Variants in GPR107 observed in about 807,000 individuals in gnomAD.
GPR107 encodes the protein protein GPR107.
A neutral mutation model predicts 75.5 loss-of-function variants in GPR107; 31 were observed. That is an observed-to-expected ratio of 0.41 (90% CI 0.31 to 0.55). The LOEUF is 0.55. GPR107 is among the 20% of genes least tolerant of loss of function. The pLI is 0.26. For synonymous variants in GPR107, 267 were observed against 251.3 expected (o/e 1.06, Z -0.59); for missense variants, 572 against 665.7 (o/e 0.86, Z 1.55).
intron 8 of GPR107, among the ~76,000 whole-genome samples, chr9:130,091,428 C>T (rs888130677): frequency 5.9e-5 from 9 of 151,852 alleles, no homozygotes; most frequent in Non-Finnish European, 1.0e-4. Flanking sequence ...TTACAGTAAA[C>T]CGAGATTGCA....
chr9:130,066,046 C>T (rs1564659202), intron 1 of GPR107, among the ~76,000 whole-genome samples: 1 of 152,046 alleles, frequency 6.6e-6, no homozygotes, highest in African/African-American at 2.4e-5. Flanking sequence ...GTGACTCATG[C>T]CTGTAATCTC....
At chr9:130,072,773 A>C (rs899330771) in intron 1 of GPR107, among the ~76,000 whole-genome samples, 3 of 152,114 alleles carry the variant, frequency 2.0e-5, no homozygotes, top group African/African-American at 4.8e-5. Flanking sequence ...GAAAAAAAAA[A>C]CAAAACAACA....
At chr9:130,061,821 G>C (rs1430757959) in intron 1 of GPR107, among the ~76,000 whole-genome samples, 1 of 152,128 alleles carries the variant, frequency 6.6e-6, no homozygotes, top group Non-Finnish European at 1.5e-5. Flanking sequence ...ATGGGCACCT[G>C]TAATCCCAGC....
chr9:130,077,415 A>G (rs762045384), intron 4 of GPR107, 37 bp downstream of exon 4: 3 of 1,020,848 alleles, frequency 2.9e-6, no homozygotes, highest in Non-Finnish European at 4.7e-6. Flanking sequence ...TCAGTCCTAG[A>G]GTAGAGTCGG....
At chr9:130,093,427 A>G (rs913750729) in intron 9 of GPR107, among the ~76,000 whole-genome samples, 1 of 152,264 alleles carries the variant, frequency 6.6e-6, no homozygotes, top group Non-Finnish European at 1.5e-5. Flanking sequence ...TTAAATTCAT[A>G]GAATAATTAA....
intron 1 of GPR107, among the ~76,000 whole-genome samples, chr9:130,069,501 C>T (rs1830147453): frequency 1.3e-5 from 2 of 152,150 alleles, no homozygotes; most frequent in Admixed American, 6.6e-5. Flanking sequence ...GTCACATCCT[C>T]CTCGCTTGTA....
Position 130,104,439 on chromosome 9 carries a change from A to G in GPR107, c.1151A>G (p.Tyr384Cys), listed in dbSNP as rs774053915. ...IPLQVLANVA[Y>C]IIIESTEEGT... ...CTGTAGGTCCTGGCAAATGTAGCCT[A>G]CATCATCATAGAGTCCACCGAGGAG... Residue 384 changes from tyrosine to cysteine, a missense_variant, in exon 13 of 18, where the codon TAC becomes TGC. Coordinates refer to ENST00000347136, the MANE Select transcript of GPR107 (RefSeq NM_020960.5). 1.2e-6 allele frequency: 2 copies of G among 1,613,748 alleles called. No homozygotes were observed. The highest frequency in any genetic ancestry group is 1.7e-6 in the Non-Finnish European group (2 of 1,179,670).
chr9:130,066,822 A>G lies in GPR107; in HGVS notation c.142-8814A>G, dbSNP rs1028630830. Among the ~76,000 whole-genome samples, 13 of 152,090 alleles carry G rather than the reference A, an allele frequency of 8.5e-5. No individual in the cohort carries two copies. The South Asian group carries it at 1.2e-3, about 15-fold the overall frequency. On this transcript the variant is annotated intron_variant, in intron 1 of 17. Transcript: ENST00000347136. Reference sequence around the variant, plus strand: ...AACACGATGAAACCCCGTCTCTACTAAAAATACAAAAAAATTAGCCGGGTG... The same window carrying G: ...AACACGATGAAACCCCGTCTCTACTGAAAATACAAAAAAATTAGCCGGGTG...
At chr9:130,108,965 C>G (rs1278631231) in intron 14 of GPR107, 1 of 299,694 alleles carries the variant, frequency 3.3e-6, no homozygotes, top group South Asian at 2.6e-5. Context: ...AAGTACAAAT[C>G]CACCTCTAGG....
intron 1 of GPR107, among the ~76,000 whole-genome samples, chr9:130,068,620 G>A (rs758079940): frequency 6.6e-6 from 1 of 152,086 alleles, no homozygotes; most frequent in Non-Finnish European, 1.5e-5. Context: ...ATGACTGAAA[G>A]CAGTTTAATA....
At position 130,122,793 on chromosome 9, in the gene GPR107, C is replaced by G. The variant is rs181395064; in HGVS notation, c.1307-2122C>G. 2.9e-3 allele frequency among the ~76,000 whole-genome samples: 436 copies of G among 152,266 alleles called. 6 individuals are homozygous for G. Among genetic ancestry groups the G allele is most frequent in the African/African-American group, 0.01 (418 of 41,566 alleles). The stretch of plus-strand genomic sequence containing the variant: ...ATCCCAGCACTTTGGGAGGCTGAGG[C>G]AGGCTCTTGCCTGCCTGAGCAACAT... On this transcript the variant is annotated intron_variant, in intron 14 of 17. Transcript: ENST00000347136.
chr9:130,053,926 A>C lies in GPR107; in HGVS notation c.-7A>C, dbSNP rs1829644798. 2 of 1,557,794 alleles carry C rather than the reference A, an allele frequency of 1.3e-6. No homozygotes were observed. Among genetic ancestry groups the C allele is most frequent in the East Asian group, 2.4e-5 (1 of 41,624 alleles). ...GAGAGGAAGCGGCTGGTGATGCTGG[A>C]ACAAACATGGCCGCTCTGGCGCCCG... is the stretch of plus-strand genomic sequence containing the variant. On this transcript the variant is annotated 5_prime_UTR_variant, in exon 1 of 18. Transcript: ENST00000347136.
chr9:130,098,227 G>T (rs1830927983), intron 9 of GPR107, among the ~76,000 whole-genome samples: 1 of 152,156 alleles, frequency 6.6e-6, no homozygotes, highest in Non-Finnish European at 1.5e-5. Flanking sequence ...CCTAAGGGGA[G>T]GTGGGAAGGA....
intron 1 of GPR107, among the ~76,000 whole-genome samples, chr9:130,071,022 ACTT>A (rs1830192509): frequency 8.2e-6 from 1 of 121,884 alleles, no homozygotes; most frequent in Non-Finnish European, 1.7e-5. Context: ...CCCAGTCCTA[ACTT>A]TTTTTTTTTC....
At chr9:130,063,944 A>G (rs1589481126) in intron 1 of GPR107, among the ~76,000 whole-genome samples, 1 of 151,478 alleles carries the variant, frequency 6.6e-6, no homozygotes, top group South Asian at 2.1e-4. Flanking sequence ...AGCTGGGACT[A>G]CAGGCATGCG....
rs911514623 is a variant in GPR107 at position 130,135,374 on chromosome 9, G to A, written c.*253G>A. ...AGGGCGGGCACAGGGAGGAGGAGAGGAAGAGAAAAGGAAGAATTCATTTTT... is the reference window on the plus strand; with the variant it reads ...AGGGCGGGCACAGGGAGGAGGAGAGAAAGAGAAAAGGAAGAATTCATTTTT... On this transcript the variant is annotated 3_prime_UTR_variant, in exon 18 of 18. Transcript: ENST00000347136. 2 of 424,158 alleles carry A rather than the reference G, an allele frequency of 4.7e-6. No homozygotes were observed. The highest frequency in any genetic ancestry group is 8.3e-6 in the Non-Finnish European group (2 of 239,702). 26.3% of individuals were successfully genotyped at this position (424,158 alleles called of 1,614,324 possible). A position where few individuals can be genotyped will look rare whatever the true frequency, so the allele number is the denominator to read the frequency against.
intron 5 of GPR107, among the ~76,000 whole-genome samples, chr9:130,081,565 C>T (rs1478741273): frequency 7.3e-5 from 11 of 151,706 alleles, no homozygotes; most frequent in Admixed American, 6.6e-4. Flanking sequence ...CTCAGCTACT[C>T]AGGAGACTGA....
intron 14 of GPR107, chr9:130,110,309 A>T (rs1158158757): frequency 1.0e-6 from 1 of 1,001,972 alleles, no homozygotes; most frequent in African/African-American, 1.6e-5. Context: ...AACTTCCTTT[A>T]ACAGGAACGC....
intron 1 of GPR107, among the ~76,000 whole-genome samples, 189 bp downstream of exon 1, chr9:130,054,262 G>T (rs1829672879): frequency 6.6e-6 from 1 of 152,218 alleles, no homozygotes; most frequent in Non-Finnish European, 1.5e-5. Context: ...TCTTCGGGCT[G>T]ACCGGCACGG....
Sources: allele counts gnomAD v4.1 joint callset (sites outside exome capture counted in the v4.1 genomes callset), GRCh38; gene constraint gnomAD v4.1.1; transcripts MANE v1.5; gene names NCBI Gene and HGNC (gene_info 2026-07-23, HGNC 2026-07-21).